HS6ST3: variants seen among roughly 807,000 people sequenced by gnomAD.
HS6ST3 encodes heparan sulfate 6-O-sulfotransferase 3, also known as heparan-sulfate 6-O-sulfotransferase 3.
In HS6ST3, 12 loss-of-function variants were observed where a neutral mutation model predicts 36.7. The ratio of observed to expected loss-of-function variants is 0.33; its 90% CI spans 0.21 to 0.53. HS6ST3 has a LOEUF of 0.53. HS6ST3 is among the 20% of genes least tolerant of loss of function. The probability of loss-of-function intolerance (pLI) is 0.95; values close to 1 mark genes in which losing one functional copy is unlikely to be tolerated. For missense variants in HS6ST3, 584 were observed against 640.9 expected (o/e 0.91, Z 0.96); for synonymous variants, 240 against 257.5 (o/e 0.93, Z 0.65).
chr13:96,458,145 C>T (rs141387605), intron 1 of HS6ST3, among the ~76,000 whole-genome samples: 80 of 152,064 alleles, frequency 5.3e-4, no homozygotes, highest in Middle Eastern at 3.4e-3. Flanking sequence ...TTCTGTATTC[C>T]CATACTGTGG....
intron 1 of HS6ST3, among the ~76,000 whole-genome samples, chr13:96,660,828 G>GTCCC (rs2056643773): frequency 6.6e-6 from 1 of 152,128 alleles, no homozygotes; most frequent in Non-Finnish European, 1.5e-5. Flanking sequence ...ACTGACATTT[G>GTCCC]AGTCAGTGGA....
Position 96,296,561 on chromosome 13 carries a change from A to G in HS6ST3, c.707+204992A>G, listed in dbSNP as rs150158721. On this transcript the variant is annotated intron_variant, in intron 1 of 1. Coordinates refer to ENST00000376705, the MANE Select transcript of HS6ST3 (RefSeq NM_153456.4). ...GCACAAAATTCCTAGTGTTTAGAAAACGCTAACATTTTTCCAGGCTATTTG... is the reference window on the plus strand; with the variant it reads ...GCACAAAATTCCTAGTGTTTAGAAAGCGCTAACATTTTTCCAGGCTATTTG... 7.2e-4 allele frequency among the ~76,000 whole-genome samples: 109 copies of G among 152,204 alleles called. 2 individuals carry two copies. Among genetic ancestry groups the G allele is most frequent in the African/African-American group, 2.5e-3 (104 of 41,552 alleles).
At chr13:96,435,918 T>C (rs944064466) in intron 1 of HS6ST3, among the ~76,000 whole-genome samples, 1 of 152,210 alleles carries the variant, frequency 6.6e-6, no homozygotes, top group Admixed American at 6.5e-5. Flanking sequence ...AACATTGCTT[T>C]TCTGAAGATC....
At chr13:96,337,783 G>C (rs2055109307) in intron 1 of HS6ST3, among the ~76,000 whole-genome samples, 1 of 150,876 alleles carries the variant, frequency 6.6e-6, no homozygotes. Flanking sequence ...TCTTTTGGGG[G>C]CAACTGTTAT....
intron 1 of HS6ST3, among the ~76,000 whole-genome samples, chr13:96,134,020 A>G (rs1264511283): frequency 6.6e-6 from 1 of 152,136 alleles, no homozygotes; most frequent in African/African-American, 2.4e-5. Flanking sequence ...TTTTCTCAAC[A>G]TCATTTAATG....
intron 1 of HS6ST3, among the ~76,000 whole-genome samples, chr13:96,382,209 A>G (rs1043431002): frequency 1.3e-5 from 2 of 152,170 alleles, no homozygotes; most frequent in Non-Finnish European, 2.9e-5. Flanking sequence ...AGGCTGTTCA[A>G]GGCCTTTTCA....
intron 1 of HS6ST3, among the ~76,000 whole-genome samples, chr13:96,448,773 C>T (rs1388936613): frequency 6.6e-6 from 1 of 152,144 alleles, no homozygotes; most frequent in Non-Finnish European, 1.5e-5. Context: ...TCCCACATCT[C>T]TTCTGTAGCA....
intron 1 of HS6ST3, among the ~76,000 whole-genome samples, chr13:96,131,153 A>C (rs551417006): frequency 6.4e-4 from 98 of 152,282 alleles, no homozygotes; most frequent in Non-Finnish European, 1.3e-3. Flanking sequence ...TTTGCCAGAA[A>C]CTGTAAGTCT....
intron 1 of HS6ST3, among the ~76,000 whole-genome samples, chr13:96,457,243 T>C (rs2055758587): frequency 6.6e-6 from 1 of 152,154 alleles, no homozygotes; most frequent in African/African-American, 2.4e-5. Context: ...ACCTTTAAAA[T>C]ACTTAATGGA....
At chr13:96,304,303 T>G (rs2054898379) in intron 1 of HS6ST3, among the ~76,000 whole-genome samples, 1 of 152,218 alleles carries the variant, frequency 6.6e-6, no homozygotes, top group African/African-American at 2.4e-5. Flanking sequence ...TCATCCAGAA[T>G]AGACAGAAAG....
At chr13:96,554,064 C>T (rs781154244) in intron 1 of HS6ST3, among the ~76,000 whole-genome samples, 1 of 152,140 alleles carries the variant, frequency 6.6e-6, no homozygotes, top group Non-Finnish European at 1.5e-5. Context: ...GTTGATTAGG[C>T]AGCTAGCTGG....
At chr13:96,274,051 T>C (rs966257908) in intron 1 of HS6ST3, among the ~76,000 whole-genome samples, 2 of 149,998 alleles carry the variant, frequency 1.3e-5, no homozygotes, top group Non-Finnish European at 1.5e-5. Context: ...TATTTGATTC[T>C]TTCTTTCTTT....
intron 1 of HS6ST3, among the ~76,000 whole-genome samples, chr13:96,485,652 C>G (rs2138901270): frequency 6.6e-6 from 1 of 152,090 alleles, no homozygotes; most frequent in South Asian, 2.1e-4. Flanking sequence ...TATCATGTTC[C>G]TGAAATTAGT....
intron 1 of HS6ST3, among the ~76,000 whole-genome samples, chr13:96,455,746 A>AT (rs1390600755): frequency 6.6e-6 from 1 of 152,202 alleles, no homozygotes; most frequent in Non-Finnish European, 1.5e-5. Flanking sequence ...ATAATTTAGA[A>AT]TTTTGACTTT....
At chr13:96,623,955 A>G (rs747448424) in intron 1 of HS6ST3, among the ~76,000 whole-genome samples, 1 of 152,218 alleles carries the variant, frequency 6.6e-6, no homozygotes, top group Non-Finnish European at 1.5e-5. Flanking sequence ...GCATAATTAT[A>G]TTCCTTACTA....
intron 1 of HS6ST3, among the ~76,000 whole-genome samples, chr13:96,581,312 C>T (rs370436873): frequency 5.3e-5 from 8 of 151,932 alleles, no homozygotes; most frequent in Middle Eastern, 3.4e-3. Flanking sequence ...CTCTGCCTCC[C>T]GGGTTTAAGC....
intron 1 of HS6ST3, among the ~76,000 whole-genome samples, chr13:96,563,099 C>A (rs2056268707): frequency 6.6e-6 from 1 of 150,506 alleles, no homozygotes; most frequent in Non-Finnish European, 1.5e-5. Flanking sequence ...CAACCTATAC[C>A]ATATTTTCTT....
chr13:96,115,715 A>T (rs112535826), intron 1 of HS6ST3, among the ~76,000 whole-genome samples: 2,602 of 152,314 alleles, frequency 0.017, 64 homozygotes, highest in African/African-American at 0.06. Flanking sequence ...TACACATGCA[A>T]GTATCTTTAT....
chr13:96,543,259 C>T (rs1257149287), intron 1 of HS6ST3, among the ~76,000 whole-genome samples: 2 of 152,130 alleles, frequency 1.3e-5, no homozygotes, highest in Non-Finnish European at 2.9e-5. Flanking sequence ...AGTCATCCTC[C>T]CCCAGGTCTG....
Sources: allele counts gnomAD v4.1 joint callset (sites outside exome capture counted in the v4.1 genomes callset), GRCh38; gene constraint gnomAD v4.1.1; transcripts MANE v1.5; gene names NCBI Gene and HGNC (gene_info 2026-07-23, HGNC 2026-07-21).